PCNX2: variants seen among roughly 807,000 people sequenced by gnomAD.
PCNX2 encodes pecanex 2, also known as pecanex-like protein 2.
In PCNX2, 168 loss-of-function variants were observed where a neutral mutation model predicts 223.8. The ratio of observed to expected loss-of-function variants is 0.75; its 90% CI spans 0.66 to 0.85. The LOEUF (loss-of-function observed/expected upper bound fraction) is 0.85. PCNX2 is among the 40% of genes least tolerant of loss of function. PCNX2 has a pLI of 0.00. For missense variants in PCNX2, 2,507 were observed against 2,675.5 expected, an observed-to-expected ratio of 0.94 and a Z score of 1.39; for synonymous variants, 1,006 against 1,052.6, an observed-to-expected ratio of 0.96 and a Z score of 0.86.
intron 25 of PCNX2, among the ~76,000 whole-genome samples, chr1:233,040,875 C>T (rs958944408): frequency 6.6e-6 from 1 of 152,150 alleles, no homozygotes; most frequent in African/African-American, 2.4e-5. Flanking sequence ...CAAAAAATTG[C>T]TTTCCCTCTA....
rs1676097336 is a variant in PCNX2 at position 233,126,400 on chromosome 1, T to TGATATGCA, written c.3837+8605_3837+8612dup. On this transcript the variant is annotated intron_variant, in intron 21 of 33. Coordinates refer to ENST00000258229, the MANE Select transcript of PCNX2 (RefSeq NM_014801.4). The surrounding 1 kb of genome is among the most constrained non-coding windows in gnomAD (Gnocchi z 4.8). ...CAGGGGTCAAAAGGAAGAGGCAACATGATATGCACTGTCATGGAAAAGTCT... is the reference window on the plus strand; with the variant it reads ...CAGGGGTCAAAAGGAAGAGGCAACATGATATGCAGATATGCACTGTCATGGAAAAGTCT... Among the ~76,000 whole-genome samples, 1 of 152,052 alleles carries TGATATGCA rather than the reference T, an allele frequency of 6.6e-6. No homozygotes were observed.
rs1480302881 is a variant in PCNX2 at position 232,983,619 on chromosome 1, A to G, written c.*685T>C. The G allele has an allele frequency of 6.6e-6, 1 of 152,204 alleles. No homozygotes were observed. The highest frequency in any genetic ancestry group is 1.5e-5 in the Non-Finnish European group (1 of 68,034). 9.4% of individuals were successfully genotyped at this position (152,204 alleles called of 1,614,324 possible). On this transcript the variant is annotated 3_prime_UTR_variant, in exon 34 of 34. Coordinates refer to ENST00000258229, the MANE Select transcript of PCNX2 (RefSeq NM_014801.4). The stretch of plus-strand genomic sequence containing the variant: ...TCCGCGGTGGATTTCCATGCACCGA[A>G]TGGACTCAGTTTCTAAACTCACATC...
At chr1:233,295,767 T>G (rs1025934841), upstream of PCNX2, 1 of 315,482 alleles carries the variant, frequency 3.2e-6, no homozygotes, top group Non-Finnish European at 5.7e-6. The surrounding 1 kb of genome is among the most constrained non-coding windows in gnomAD (Gnocchi z 4.1). Flanking sequence ...TGCTCAGAGG[T>G]TGCTTCCGAG....
At chr1:233,289,391 G>A (rs993408077) in intron 1 of PCNX2, 25 of 1,380,648 alleles carry the variant, frequency 1.8e-5, no homozygotes, top group South Asian at 3.5e-5. Context: ...TGCGGGACTC[G>A]AACTCGTCCG....
chr1:233,157,899 C>T (rs1678222721), intron 19 of PCNX2, among the ~76,000 whole-genome samples: 1 of 152,062 alleles, frequency 6.6e-6, no homozygotes, highest in Non-Finnish European at 1.5e-5. Flanking sequence ...TTATAAATAG[C>T]TAGTGTAGGT....
At chr1:233,017,513 T>G (rs1190052654) in intron 26 of PCNX2, among the ~76,000 whole-genome samples, 1 of 152,066 alleles carries the variant, frequency 6.6e-6, no homozygotes, top group East Asian at 1.9e-4. Flanking sequence ...AGACGGGGTT[T>G]CACCATGTTA....
At chr1:233,315,242 G>T in the PCNX2 span, among the ~76,000 whole-genome samples, 1 of 152,190 alleles carries the variant, frequency 6.6e-6, no homozygotes, top group Non-Finnish European at 1.5e-5. Context: ...CTTTAGAAAT[G>T]TCAGAAAATA....
intron 21 of PCNX2, among the ~76,000 whole-genome samples, chr1:233,122,978 T>A (rs1558254004): frequency 6.6e-6 from 1 of 152,102 alleles, no homozygotes; most frequent in Non-Finnish European, 1.5e-5. Context: ...CTCAAAACTG[T>A]CAAGTCATCA....
intron 23 of PCNX2, among the ~76,000 whole-genome samples, chr1:233,079,699 C>T (rs887039815): frequency 2.0e-5 from 3 of 152,064 alleles, no homozygotes; most frequent in African/African-American, 7.2e-5. Flanking sequence ...CCTTTTAAGC[C>T]TCGGTGGACT....
At chr1:233,242,333 T>C (rs1041293307) in intron 8 of PCNX2, among the ~76,000 whole-genome samples, 3 of 152,192 alleles carry the variant, frequency 2.0e-5, no homozygotes, top group African/African-American at 7.2e-5. Context: ...CCATCCTTGA[T>C]ATAAAAATCC....
At chr1:233,141,875 TAGAC>T (rs1259228145) in intron 19 of PCNX2, among the ~76,000 whole-genome samples, 1 of 151,844 alleles carries the variant, frequency 6.6e-6, no homozygotes, top group African/African-American at 2.4e-5. Flanking sequence ...ATGGTGAGAA[TAGAC>T]AGCGTGAAAG....
chr1:233,214,167 G>GT (rs1366565749), intron 12 of PCNX2, among the ~76,000 whole-genome samples: 1 of 152,040 alleles, frequency 6.6e-6, no homozygotes, highest in Non-Finnish European at 1.5e-5. Context: ...ATGTTATTCT[G>GT]ATTATCCGTA....
At chr1:233,282,208 G>A (rs141561966) in intron 1 of PCNX2, among the ~76,000 whole-genome samples, 4 of 152,178 alleles carry the variant, frequency 2.6e-5, no homozygotes, top group East Asian at 3.9e-4. Flanking sequence ...CTTGTCTCCC[G>A]ACGCCTCCTC....
intron 19 of PCNX2, among the ~76,000 whole-genome samples, chr1:233,145,028 A>G (rs1164093664): frequency 6.7e-6 from 1 of 150,002 alleles, no homozygotes; most frequent in Non-Finnish European, 1.5e-5. Context: ...GCAGTGGCTC[A>G]ATCTCGGCTC....
At chr1:233,141,167 C>A (rs987916756) in intron 19 of PCNX2, among the ~76,000 whole-genome samples, 4 of 152,212 alleles carry the variant, frequency 2.6e-5, no homozygotes, top group African/African-American at 9.6e-5. Context: ...CCTGTTCCTT[C>A]CAGGTCTCTT....
At chr1:233,141,130 G>A (rs1409258166) in intron 19 of PCNX2, among the ~76,000 whole-genome samples, 1 of 152,074 alleles carries the variant, frequency 6.6e-6, no homozygotes, top group Non-Finnish European at 1.5e-5. Context: ...ACTCACAAAA[G>A]AGAAAAAGTT....
At chr1:233,076,683 C>A (rs1412629751) in intron 23 of PCNX2, among the ~76,000 whole-genome samples, 1 of 152,226 alleles carries the variant, frequency 6.6e-6, no homozygotes, top group African/African-American at 2.4e-5. Context: ...TCAAATCCAA[C>A]TAAAATTACA....
chr1:233,289,441 T>G, intron 1 of PCNX2: 2 of 1,388,184 alleles, frequency 1.4e-6, no homozygotes, highest in Non-Finnish European at 1.0e-6. Flanking sequence ...GCGCTCGTAC[T>G]GAACATGGCC....
intron 17 of PCNX2, among the ~76,000 whole-genome samples, chr1:233,166,629 T>A (rs1232403519): frequency 6.6e-6 from 1 of 152,162 alleles, no homozygotes; most frequent in Admixed American, 6.5e-5. Flanking sequence ...ACTGAGCTTT[T>A]TACTCTTGAT....
Sources: gnomAD v4.1 joint callset for allele counts (sites outside exome capture counted in the v4.1 genomes callset) on GRCh38, gnomAD v4.1.1 for gene constraint, Gnocchi (gnomAD v3.1) non-coding constraint, MANE v1.5 for transcripts, NCBI Gene and HGNC (gene_info 2026-07-23, HGNC 2026-07-21) for gene names.